RBM33: variants seen among roughly 807,000 people sequenced by gnomAD.
The protein encoded by RBM33 is RNA binding motif protein 33, also known as RNA-binding protein 33.
In RBM33, 28 loss-of-function variants were observed where a neutral mutation model predicts 132.6. That is an observed-to-expected ratio of 0.21 (90% confidence interval 0.16 to 0.29). The LOEUF (loss-of-function observed/expected upper bound fraction) is 0.29, where lower values mean the gene tolerates loss of function less well. RBM33 is among the 10% of genes least tolerant of loss of function. The probability of loss-of-function intolerance (pLI) is 1.00; values close to 1 mark genes in which losing one functional copy is unlikely to be tolerated. For synonymous variants in RBM33, 634 were observed against 593.0 expected (o/e 1.07, Z -1.01); for missense variants, 1,291 against 1,518.5 (o/e 0.85, Z 2.49).
intron 6 of RBM33, among the ~76,000 whole-genome samples, chr7:155,702,916 A>G (rs1377607073): frequency 7.3e-6 from 1 of 136,956 alleles, no homozygotes; most frequent in African/African-American, 2.9e-5. Context: ...TTGCTAGACA[A>G]CATTACAAAT....
At chr7:155,746,027 G>T (rs1276337430) in intron 14 of RBM33, among the ~76,000 whole-genome samples, 1 of 152,146 alleles carries the variant, frequency 6.6e-6, no homozygotes, top group Non-Finnish European at 1.5e-5. Flanking sequence ...TAACCTCATG[G>T]GACCGCCTTT....
At chr7:155,701,197 C>T (rs1033824048) in intron 6 of RBM33, 2 of 546,822 alleles carry the variant, frequency 3.7e-6, no homozygotes, top group African/African-American at 3.8e-5. Flanking sequence ...TTTTTTGAGT[C>T]TGTGGCCTAC....
At chr7:155,701,091 C>A in intron 6 of RBM33, 147 bp downstream of exon 6, 1 of 699,290 alleles carries the variant, frequency 1.4e-6, no homozygotes, top group East Asian at 2.7e-5. Flanking sequence ...GGAGTGAGTG[C>A]TGTTTATGGT....
intron 1 of RBM33, among the ~76,000 whole-genome samples, chr7:155,662,930 A>G (rs1194366442): frequency 6.6e-6 from 1 of 152,112 alleles, no homozygotes; most frequent in African/African-American, 2.4e-5. Flanking sequence ...ACTGAGTTTC[A>G]AGGATGAAGA....
intron 1 of RBM33, among the ~76,000 whole-genome samples, chr7:155,661,716 C>T (rs1159002207): frequency 2.6e-5 from 4 of 152,024 alleles, no homozygotes; most frequent in Non-Finnish European, 5.9e-5. Context: ...CCTGTTTATT[C>T]ATATTCTTTA....
chr7:155,677,859 C>T (rs778107669), intron 3 of RBM33, among the ~76,000 whole-genome samples: 3 of 152,008 alleles, frequency 2.0e-5, no homozygotes, highest in African/African-American at 2.4e-5. Context: ...GACTGGCTTT[C>T]GTGAAGGGAG....
At chr7:155,664,713 A>G (rs1798752102) in intron 1 of RBM33, among the ~76,000 whole-genome samples, 2 of 152,132 alleles carry the variant, frequency 1.3e-5, no homozygotes, top group Non-Finnish European at 2.9e-5. Flanking sequence ...GTGTGCTTAT[A>G]TTTCCGTTGC....
At chr7:155,697,466 T>C (rs767898027) in intron 5 of RBM33, among the ~76,000 whole-genome samples, 2 of 152,226 alleles carry the variant, frequency 1.3e-5, no homozygotes, top group Non-Finnish European at 2.9e-5. Context: ...TAGAATGACT[T>C]TCATTTTTAT....
At chr7:155,669,575 A>G (rs1237890935) in intron 2 of RBM33, among the ~76,000 whole-genome samples, 1 of 151,434 alleles carries the variant, frequency 6.6e-6, no homozygotes. Context: ...CTGGTCTTGA[A>G]CTCCTGGTCT....
At chr7:155,682,606 C>T (rs1377342935) in intron 5 of RBM33, among the ~76,000 whole-genome samples, 2 of 152,186 alleles carry the variant, frequency 1.3e-5, no homozygotes, top group African/African-American at 4.8e-5. Context: ...AGCAGTCCAA[C>T]AAGTCTTTAC....
chr7:155,664,744 C>T (rs1034438338), intron 1 of RBM33, among the ~76,000 whole-genome samples: 1 of 152,088 alleles, frequency 6.6e-6, no homozygotes, highest in Non-Finnish European at 1.5e-5. Flanking sequence ...TCTGCATTAT[C>T]TCTATTTTGC....
At chr7:155,770,467 GTGCCTCCCCCAC>G (rs1802387228) in intron 16 of RBM33, among the ~76,000 whole-genome samples, 1 of 152,194 alleles carries the variant, frequency 6.6e-6, no homozygotes, top group African/African-American at 2.4e-5. Context: ...CTGCCAGGGA[GTGCCTCCCCCAC>G]CCGCTCTAGT....
At chr7:155,735,047 C>T (rs1217383674) in intron 9 of RBM33, among the ~76,000 whole-genome samples, 1 of 152,150 alleles carries the variant, frequency 6.6e-6, no homozygotes, top group East Asian at 1.9e-4. Context: ...CTGTAAGTTG[C>T]AAACATCGTA....
Position 155,745,574 on chromosome 7 carries a change from A to G in RBM33, c.2951A>G (p.Lys984Arg). The change falls in exon 14 of 18, where the codon AAG becomes AGG. Residue 984 changes from lysine (K) to arginine (R), a missense_variant. Lys to Arg is a conservative substitution (Grantham distance 26). Transcript: ENST00000401878. The surrounding 1 kb of genome is among the most constrained non-coding windows in gnomAD (Gnocchi z 4.1). ...GGAGACGGGCCCCACATCAGCTCCA[A>G]GGTCAGGGTGATTAAGCTGTCAGGT... The part of the protein sequence containing the change: ...GGGDGPHISS[K>R]VRVIKLSGGG... 1 of 1,600,848 alleles carries G rather than the reference A, an allele frequency of 6.2e-7. No homozygotes were observed. Among genetic ancestry groups the G allele is most frequent in the Non-Finnish European group, 8.5e-7 (1 of 1,172,276 alleles).
intron 9 of RBM33, among the ~76,000 whole-genome samples, chr7:155,732,182 G>A (rs1800974728): frequency 1.3e-5 from 2 of 152,182 alleles, no homozygotes; most frequent in Admixed American, 1.3e-4. Context: ...AGGAGAGAGT[G>A]GCAGTGTGTA....
intron 1 of RBM33, among the ~76,000 whole-genome samples, chr7:155,653,362 G>A (rs1798407018): frequency 6.6e-6 from 1 of 152,112 alleles, no homozygotes; most frequent in Non-Finnish European, 1.5e-5. Context: ...CCTTTTGGGG[G>A]ATGCTGTGGT....
chr7:155,707,266 G>C (rs920614516), intron 7 of RBM33, 198 bp downstream of exon 7: 14 of 684,488 alleles, frequency 2.0e-5, no homozygotes, highest in Non-Finnish European at 3.8e-5. Flanking sequence ...CCAGTCATCT[G>C]GTAGTAAGAA....
intron 2 of RBM33, among the ~76,000 whole-genome samples, chr7:155,667,811 C>T (rs566670834): frequency 6.6e-6 from 1 of 152,242 alleles, no homozygotes; most frequent in East Asian, 1.9e-4. Flanking sequence ...AATAGCTATA[C>T]AGTCTGCCTG....
intron 5 of RBM33, chr7:155,684,853 A>G (rs1184014791): frequency 2.8e-6 from 4 of 1,440,688 alleles, no homozygotes; most frequent in Non-Finnish European, 3.7e-6. Context: ...TTAAGCATGA[A>G]TCATAAAGAC....
Sources: allele counts gnomAD v4.1 joint callset (sites outside exome capture counted in the v4.1 genomes callset), GRCh38; gene constraint gnomAD v4.1.1; non-coding constraint Gnocchi (gnomAD v3.1); transcripts MANE v1.5; gene names NCBI Gene and HGNC (gene_info 2026-07-23, HGNC 2026-07-21).